SMOC1: variants seen among roughly 807,000 people sequenced by gnomAD.
The protein encoded by SMOC1 is SPARC related modular calcium binding 1.
SMOC1 carries 22 observed loss-of-function variants against 56.3 expected under a neutral mutation model. That is an observed-to-expected ratio of 0.39 (90% confidence interval 0.28 to 0.56). The LOEUF (loss-of-function observed/expected upper bound fraction) is 0.56. SMOC1 is among the 20% of genes least tolerant of loss of function. The pLI, the probability that SMOC1 is intolerant of heterozygous loss-of-function variation, is 0.61. For missense variants in SMOC1, 509 were observed against 565.4 expected (o/e 0.90, Z 1.01); for synonymous variants, 193 against 215.0 (o/e 0.90, Z 0.89).
chr14:70,003,074 G>A (rs1885026453), intron 7 of SMOC1, among the ~76,000 whole-genome samples: 1 of 152,198 alleles, frequency 6.6e-6, no homozygotes, highest in African/African-American at 2.4e-5. Flanking sequence ...CCTGAGGCTG[G>A]AGCCATGTGG....
At chr14:69,919,915 C>G (rs1016202272) in intron 1 of SMOC1, among the ~76,000 whole-genome samples, 1 of 149,678 alleles carries the variant, frequency 6.7e-6, no homozygotes, top group African/African-American at 2.5e-5. Flanking sequence ...CAAATACCCC[C>G]CCCCCCCTTT....
intron 2 of SMOC1, 50 bp downstream of exon 2, chr14:69,952,353 A>T (rs1883034449): frequency 2.5e-6 from 4 of 1,608,460 alleles, no homozygotes; most frequent in Non-Finnish European, 3.4e-6. Context: ...TGGGCACCCC[A>T]GCTCCCTCAC....
intron 1 of SMOC1, among the ~76,000 whole-genome samples, chr14:69,919,307 C>G (rs916687963): frequency 1.3e-5 from 2 of 152,312 alleles, no homozygotes; most frequent in East Asian, 1.9e-4. Context: ...CTGGGCCGCT[C>G]TCACAGCCCC....
At chr14:70,005,414 C>A (rs1482175636) in intron 7 of SMOC1, among the ~76,000 whole-genome samples, 1 of 152,182 alleles carries the variant, frequency 6.6e-6, no homozygotes, top group Non-Finnish European at 1.5e-5. Context: ...GTGCCCTGGG[C>A]CTGGAGACAG....
chr14:69,900,707 T>G (rs1319527738), intron 1 of SMOC1, among the ~76,000 whole-genome samples: 1 of 152,216 alleles, frequency 6.6e-6, no homozygotes, highest in African/African-American at 2.4e-5. Context: ...AACATGTTCT[T>G]GCCTATCCCC....
At chr14:70,005,720 C>G (rs990751206) in intron 7 of SMOC1, among the ~76,000 whole-genome samples, 1 of 152,182 alleles carries the variant, frequency 6.6e-6, no homozygotes, top group Non-Finnish European at 1.5e-5. Flanking sequence ...TGACCTGACT[C>G]TCACTTCTTC....
chr14:70,028,736 C>G (rs56029860), intron 11 of SMOC1, among the ~76,000 whole-genome samples: 50,040 of 152,088 alleles, frequency 0.33, 9,091 homozygotes, highest in East Asian at 0.41. Flanking sequence ...AAGTCAGCAG[C>G]CTGACTCTGC....
chr14:69,881,623 CCTT>C (rs932751405), intron 1 of SMOC1, among the ~76,000 whole-genome samples: 12 of 152,236 alleles, frequency 7.9e-5, no homozygotes, highest in African/African-American at 2.4e-4. Flanking sequence ...CTCTCTCTCT[CCTT>C]CTTTCTTTTT....
At position 69,968,083 on chromosome 14, in the gene SMOC1, G is replaced by T. The variant is rs141119203; in HGVS notation, c.379-7632G>T. Reference sequence around the variant, plus strand: ...AAATACCATGTCATTAAAACATTGGGAATATAAAAGCTTTGGAAACAAATA... The same window carrying T: ...AAATACCATGTCATTAAAACATTGGTAATATAAAAGCTTTGGAAACAAATA... On this transcript the variant is annotated intron_variant, in intron 3 of 11. Transcript: ENST00000361956. Among the ~76,000 whole-genome samples, 12 of 152,268 alleles carry T rather than the reference G, an allele frequency of 7.9e-5. No individual in the cohort carries two copies. The East Asian group carries it at 2.1e-3, about 27-fold the overall frequency.
intron 7 of SMOC1, among the ~76,000 whole-genome samples, chr14:70,004,004 A>G (rs980601043): frequency 2.6e-5 from 4 of 151,922 alleles, no homozygotes; most frequent in Non-Finnish European, 5.9e-5. Flanking sequence ...TTTTCTACTC[A>G]GGATCCTGCT....
intron 7 of SMOC1, among the ~76,000 whole-genome samples, chr14:70,001,422 T>G (rs1884965023): frequency 1.3e-5 from 2 of 152,164 alleles, no homozygotes; most frequent in Admixed American, 1.3e-4. Flanking sequence ...GATGGTGTGG[T>G]CCATACCAGT....
chr14:69,917,191 C>T (rs1027042457), intron 1 of SMOC1, among the ~76,000 whole-genome samples: 1 of 152,182 alleles, frequency 6.6e-6, no homozygotes, highest in Non-Finnish European at 1.5e-5. Flanking sequence ...GGTAACAGCT[C>T]ACTTTGCAAT....
intron 1 of SMOC1, among the ~76,000 whole-genome samples, chr14:69,938,043 C>T (rs1224878048): frequency 6.6e-6 from 1 of 152,154 alleles, no homozygotes; most frequent in African/African-American, 2.4e-5. Flanking sequence ...ATTTCTTCCT[C>T]TGTTATCTCC....
chr14:69,974,451 G>A (rs1366696825), intron 3 of SMOC1, among the ~76,000 whole-genome samples: 4 of 152,184 alleles, frequency 2.6e-5, no homozygotes, highest in African/African-American at 9.6e-5. Context: ...GTGTTTGGGA[G>A]CATCAGAGGG....
chr14:70,030,162 C>T lies in SMOC1; in HGVS notation c.1292-80C>T, dbSNP rs1340786646. 75 of 1,599,316 alleles carry T rather than the reference C, an allele frequency of 4.7e-5. No homozygotes were observed. The South Asian group carries it at 7.0e-4, about 15-fold the overall frequency. On this transcript the variant is annotated intron_variant, in intron 11 of 11. Transcript: ENST00000361956. ...TTGATGGACATAGCTGGATTTCTCA[C>T]AAGCCCAACTCTAACTTCTTGCTTA...
At chr14:69,980,870 G>A (rs150203521) in intron 5 of SMOC1, among the ~76,000 whole-genome samples, 112 of 152,276 alleles carry the variant, frequency 7.4e-4, no homozygotes, top group African/African-American at 2.6e-3. Context: ...GTGGGGGATG[G>A]CAGGGCAAGG....
intron 7 of SMOC1, among the ~76,000 whole-genome samples, chr14:70,002,283 T>G (rs1258460282): frequency 6.6e-6 from 1 of 152,212 alleles, no homozygotes; most frequent in Non-Finnish European, 1.5e-5. Context: ...AAGGGCTTTT[T>G]AGCTTAAAGG....
intron 3 of SMOC1, among the ~76,000 whole-genome samples, chr14:69,967,924 G>A (rs140065547): frequency 1.6e-4 from 24 of 152,306 alleles, no homozygotes; most frequent in African/African-American, 5.1e-4. Flanking sequence ...GACAGCTCAT[G>A]CTAGACAGAC....
In SMOC1 at chr14:69,926,659, C is replaced by A. The variant is rs913889013; in HGVS notation, c.100-25479C>A. ...TCTGACCAATCCTGTCAAATTGCTG[C>A]GAAACCACGTTCCTTCCCTCACACT... is the stretch of plus-strand genomic sequence containing the variant. On this transcript the variant is annotated intron_variant, in intron 1 of 11. Coordinates refer to ENST00000361956, the MANE Select transcript of SMOC1 (RefSeq NM_001034852.3). Among the ~76,000 whole-genome samples the A allele has an allele frequency of 5.9e-5, 9 of 152,286 alleles. No homozygotes were observed. In the East Asian group the frequency reaches 1.7e-3, roughly 29 times the overall value.
Sources: allele counts gnomAD v4.1 joint callset (sites outside exome capture counted in the v4.1 genomes callset), GRCh38; gene constraint gnomAD v4.1.1; transcripts MANE v1.5; gene names NCBI Gene and HGNC (gene_info 2026-07-23, HGNC 2026-07-21).